Variants in BRAP observed in about 807,000 individuals in gnomAD.
BRAP encodes BRCA1-associated protein.
In BRAP, 42 loss-of-function variants were observed where a neutral mutation model predicts 73.4. The ratio of observed to expected loss-of-function variants is 0.57; its 90% CI spans 0.45 to 0.74. BRAP has a LOEUF of 0.74. Among genes scored for constraint, BRAP ranks in the 30% least tolerant of loss-of-function variants. The pLI, the probability that BRAP is intolerant of heterozygous loss-of-function variation, is 0.00. For missense variants in BRAP, 593 were observed against 751.4 expected, an observed-to-expected ratio of 0.79 and a Z score of 2.46; for synonymous variants, 255 against 267.4, an observed-to-expected ratio of 0.95 and a Z score of 0.45.
At chr12:111,671,681 CTTTTTT>C (rs980479092) in intron 5 of BRAP, among the ~76,000 whole-genome samples, 4 of 113,092 alleles carry the variant, frequency 3.5e-5, no homozygotes, top group East Asian at 2.6e-4. Context: ...AACAGAGAGA[CTTTTTT>C]TTTTTTTTTT....
At chr12:111,649,799 C>T (rs993820867) in intron 11 of BRAP, 140 bp downstream of exon 11, 3 of 561,982 alleles carry the variant, frequency 5.3e-6, no homozygotes, top group African/African-American at 3.8e-5. Context: ...TTTTAATAAA[C>T]GAGAAGCCTG....
chr12:111,681,694 A>G lies in BRAP; in HGVS notation c.386T>C (p.Phe129Ser). 6.2e-7 allele frequency: 1 copy of G among 1,613,992 alleles called. No individual in the cohort carries two copies. The highest frequency in any genetic ancestry group is 8.5e-7 in the Non-Finnish European group (1 of 1,179,968). Residue 129 changes from phenylalanine to serine, a missense_variant, in exon 3 of 12, where the codon TTC (phenylalanine) becomes TCC (serine). Around this residue, in one of 4 missense-constraint regions of BRAP, gnomAD observed 304 missense variants for 337.7 expected, o/e 0.90. Coordinates refer to ENST00000419234, the MANE Select transcript of BRAP (RefSeq NM_006768.5). ...TATTTCAACTGATGGATTTCCACTG[A>G]AGAATGAAATCTGGTCTGGAAGCTG... ...SKQLPDQISF[F>S]SGNPSVEIVH... is the part of the protein sequence containing the mutation.
chr12:111,682,243 C>T (rs550305103), intron 2 of BRAP, among the ~76,000 whole-genome samples: 16 of 152,142 alleles, frequency 1.1e-4, no homozygotes, highest in African/African-American at 3.1e-4. Context: ...GCTGGCTGGC[C>T]GGGTGCAGTG....
intron 9 of BRAP, 48 bp from the exon 10 acceptor site, chr12:111,655,703 C>G (rs745743113): frequency 7.1e-7 from 1 of 1,404,030 alleles, no homozygotes; most frequent in Non-Finnish European, 1.0e-6. Context: ...CTGTTGTCAG[C>G]CTCTGAAATC....
intron 9 of BRAP, among the ~76,000 whole-genome samples, chr12:111,656,931 A>G (rs1314486338): frequency 3.3e-5 from 5 of 152,068 alleles, no homozygotes; most frequent in African/African-American, 4.8e-5. Context: ...TAGTGGAGAC[A>G]AGGCCTTGTT....
chr12:111,676,092 G>A (rs1266280732), intron 4 of BRAP, among the ~76,000 whole-genome samples: 1 of 152,002 alleles, frequency 6.6e-6, no homozygotes, highest in East Asian at 1.9e-4. Flanking sequence ...TGCCCAGGCT[G>A]GTCTTGAACC....
intron 8 of BRAP, 114 bp from the exon 9 acceptor site, chr12:111,658,959 C>G (rs557610597): frequency 2.3e-6 from 2 of 873,922 alleles, no homozygotes; most frequent in South Asian, 3.6e-5. Context: ...TACAATATTT[C>G]TTTAAAAGTG....
At chr12:111,671,218 T>A (rs191397355) in intron 5 of BRAP, among the ~76,000 whole-genome samples, 17 of 152,224 alleles carry the variant, frequency 1.1e-4, no homozygotes, top group Admixed American at 7.9e-4. Flanking sequence ...AAGGTTCCCA[T>A]GGGAGTGAAA....
chr12:111,658,382 CCTCTGCTTCCCAGGTTCAAGCGATT>C (rs1373492925), intron 9 of BRAP, among the ~76,000 whole-genome samples: 1 of 151,762 alleles, frequency 6.6e-6, no homozygotes, highest in African/African-American at 2.4e-5. Context: ...CTCACTGCAA[CCTCTGCTTCCCAGGTTCAAGCGATT>C]CTCTGCTTCC....
At position 111,685,927 on chromosome 12, in the gene BRAP, T is replaced by A; in HGVS notation, c.-135A>T. The A allele has an allele frequency of 2.1e-6, 1 of 473,092 alleles. No individual in the cohort carries two copies. Among genetic ancestry groups the A allele is most frequent in the Non-Finnish European group, 3.5e-6 (1 of 286,784 alleles). The allele number at this position is 473,092 out of a possible 1,614,324, so 29.3% of individuals were successfully genotyped here. ...TTGCCGCCGCCTCAGCAGCAGCAGC[T>A]CCTCGAACAGCCCTCGGAGCCACAA... On this transcript the variant is annotated 5_prime_UTR_variant, in exon 1 of 12. Coordinates refer to ENST00000419234, the MANE Select transcript of BRAP (RefSeq NM_006768.5).
chr12:111,685,883 C>CGCCACCACCTCAATGCAGTT lies in BRAP; in HGVS notation c.-111_-92dup. 1.2e-6 allele frequency: 1 copy of CGCCACCACCTCAATGCAGTT among 860,104 alleles called. No individual in the cohort carries two copies. Among genetic ancestry groups the CGCCACCACCTCAATGCAGTT allele is most frequent in the Non-Finnish European group, 1.6e-6 (1 of 623,132 alleles). The allele number at this position is 860,104 out of a possible 1,614,324, so 53.3% of individuals were successfully genotyped here. On this transcript the variant is annotated 5_prime_UTR_variant, in exon 1 of 12. Coordinates refer to ENST00000419234, the MANE Select transcript of BRAP (RefSeq NM_006768.5). ...CCGAGCGGCCCGGGGCCGGCAGCGC[C>CGCCACCACCTCAATGCAGTT]GCCACCACCTCAATGCAGTTGCCGC...
rs754478683 is a variant in BRAP, at chr12:111,681,681, T to C, written c.399A>G (p.Pro133=). The C allele has an allele frequency of 1.9e-6, 3 of 1,614,042 alleles. No homozygotes were observed. Among genetic ancestry groups the C allele is most frequent in the South Asian group, 1.1e-5 (1 of 91,080 alleles). Residue 133 remains proline, a synonymous_variant, in exon 3 of 12, where the codon CCA becomes CCG. Transcript: ENST00000419234. ...TAATACCATGAACTATTTCAACTGA[T>C]GGATTTCCACTGAAGAATGAAATCT... ...PDQISFFSGN[P]SVEIVHGIMH...
intron 3 of BRAP, among the ~76,000 whole-genome samples, chr12:111,680,826 T>C (rs1191459425): frequency 1.3e-5 from 2 of 152,352 alleles, no homozygotes; most frequent in Non-Finnish European, 2.9e-5. Context: ...TCAGCTACCA[T>C]TACCCAAGAA....
At chr12:111,645,956 C>T (rs1886095332) in intron 11 of BRAP, among the ~76,000 whole-genome samples, 1 of 152,072 alleles carries the variant, frequency 6.6e-6, no homozygotes, top group African/African-American at 2.4e-5. Flanking sequence ...TGCTACTGCA[C>T]TCCAGCCTGA....
chr12:111,654,572 T>A (rs895853242), intron 10 of BRAP, among the ~76,000 whole-genome samples: 1 of 152,194 alleles, frequency 6.6e-6, no homozygotes, highest in African/African-American at 2.4e-5. Flanking sequence ...TGCCTCGGCC[T>A]CCCAAAGTGC....
chr12:111,685,276 T>C (rs1488708661), intron 1 of BRAP, among the ~76,000 whole-genome samples: 1 of 152,246 alleles, frequency 6.6e-6, no homozygotes, highest in African/African-American at 2.4e-5. Flanking sequence ...TGCTGGGATA[T>C]AGGAAGTGTC....
intron 9 of BRAP, among the ~76,000 whole-genome samples, chr12:111,657,412 A>C (rs1362959699): frequency 1.3e-5 from 2 of 152,214 alleles, no homozygotes; most frequent in Non-Finnish European, 2.9e-5. Context: ...CTAAATACTT[A>C]AAAGTGTTTG....
At chr12:111,657,074 G>A (rs947099364) in intron 9 of BRAP, among the ~76,000 whole-genome samples, 1 of 151,740 alleles carries the variant, frequency 6.6e-6, no homozygotes, top group South Asian at 2.1e-4. Context: ...ACGGAGTTTC[G>A]CTCTTGTCGC....
chr12:111,644,071 A>G lies in BRAP; in HGVS notation c.*128T>C, dbSNP rs1284436916. On this transcript the variant is annotated 3_prime_UTR_variant, in exon 12 of 12. Transcript: ENST00000419234. Reference sequence around the variant, plus strand: ...TACATCACACACTAGCAAATGAAAGAGCCAAACAACTGTGGCTTGATCCTC... The same window carrying G: ...TACATCACACACTAGCAAATGAAAGGGCCAAACAACTGTGGCTTGATCCTC... 2.2e-6 allele frequency: 3 copies of G among 1,362,758 alleles called. No individual in the cohort carries two copies. The highest frequency in any genetic ancestry group is 2.9e-6 in the Non-Finnish European group (3 of 1,023,468). The allele number at this position is 1,362,758 out of a possible 1,614,324, so 84.4% of individuals were successfully genotyped here.
Sources: allele counts gnomAD v4.1 joint callset (sites outside exome capture counted in the v4.1 genomes callset), GRCh38; gene constraint gnomAD v4.1.1; regional missense constraint gnomAD v4.1.1; transcripts MANE v1.5; gene names NCBI Gene and HGNC (gene_info 2026-07-23, HGNC 2026-07-21).